Variants in CRISPLD2 observed in about 807,000 individuals in gnomAD.
CRISPLD2 encodes cysteine rich secretory protein LCCL domain containing 2.
A neutral mutation model predicts 71.1 loss-of-function variants in CRISPLD2; 47 were observed. The observed-to-expected ratio is 0.66, with a 90% CI of 0.52 to 0.84. The LOEUF is 0.84. Among genes scored for constraint, CRISPLD2 ranks in the 40% least tolerant of loss-of-function variants. CRISPLD2 has a pLI of 0.00. For synonymous variants in CRISPLD2, 317 were observed against 250.1 expected, an observed-to-expected ratio of 1.27 and a Z score of -2.52; for missense variants, 830 against 651.1, an observed-to-expected ratio of 1.27 and a Z score of -2.99.
chr16:84,827,391 C>T (rs1916378760), intron 1 of CRISPLD2, among the ~76,000 whole-genome samples: 1 of 152,018 alleles, frequency 6.6e-6, no homozygotes, highest in African/African-American at 2.4e-5. Flanking sequence ...ACCAAGAGTC[C>T]TCACCGTGGC....
intron 13 of CRISPLD2, 54 bp downstream of exon 13, chr16:84,880,638 A>C (rs8062969): frequency 7.3e-7 from 1 of 1,363,050 alleles, no homozygotes; most frequent in Non-Finnish European, 1.0e-6. Flanking sequence ...AAAGACCTCA[A>C]CATGCAAGCT....
At chr16:84,877,895 G>A (rs2071533751) in intron 12 of CRISPLD2, among the ~76,000 whole-genome samples, 1 of 151,216 alleles carries the variant, frequency 6.6e-6, no homozygotes, top group South Asian at 2.1e-4. Flanking sequence ...TGAGGTAAAT[G>A]ATACGATCCA....
At chr16:84,875,617 C>T (rs569102887) in intron 11 of CRISPLD2, among the ~76,000 whole-genome samples, 5 of 151,420 alleles carry the variant, frequency 3.3e-5, no homozygotes, top group East Asian at 1.9e-4. Flanking sequence ...AGTGCAGTGG[C>T]GCAATTTCAG....
intron 5 of CRISPLD2, among the ~76,000 whole-genome samples, chr16:84,851,774 A>G (rs1279009625): frequency 6.6e-6 from 1 of 152,226 alleles, no homozygotes; most frequent in Non-Finnish European, 1.5e-5. Flanking sequence ...ACTTGACTCT[A>G]TAAAAAATAG....
At chr16:84,821,672 A>G (rs144327498) in intron 1 of CRISPLD2, among the ~76,000 whole-genome samples, 70 of 152,348 alleles carry the variant, frequency 4.6e-4, no homozygotes, top group African/African-American at 1.7e-3. Flanking sequence ...CAGGGGCTCC[A>G]GTTAAAACCA....
intron 11 of CRISPLD2, among the ~76,000 whole-genome samples, chr16:84,876,335 C>T (rs1308556955): frequency 6.6e-6 from 1 of 151,988 alleles, no homozygotes; most frequent in Non-Finnish European, 1.5e-5. Flanking sequence ...AACCCCGTCT[C>T]TACTAAAAAT....
chr16:84,849,311 C>T (rs1019988698), intron 3 of CRISPLD2, 74 bp from the exon 4 acceptor site: 4 of 1,441,450 alleles, frequency 2.8e-6, no homozygotes, highest in South Asian at 1.4e-5. Flanking sequence ...CTCCTACCTG[C>T]CCGTGGCTGC....
intron 5 of CRISPLD2, among the ~76,000 whole-genome samples, chr16:84,853,387 A>T (rs1042598655): frequency 6.6e-6 from 1 of 152,110 alleles, no homozygotes; most frequent in African/African-American, 2.4e-5. Flanking sequence ...CTGAGCAGGG[A>T]TGTCTTGTGG....
chr16:84,851,970 A>G (rs975289780), intron 5 of CRISPLD2, among the ~76,000 whole-genome samples: 1 of 152,228 alleles, frequency 6.6e-6, no homozygotes, highest in Non-Finnish European at 1.5e-5. Flanking sequence ...CAGCTTACAC[A>G]TCAGACTTTT....
intron 6 of CRISPLD2, among the ~76,000 whole-genome samples, chr16:84,855,573 G>T (rs1917215958): frequency 6.6e-6 from 1 of 152,172 alleles, no homozygotes; most frequent in Non-Finnish European, 1.5e-5. Context: ...GGGTGGGTCT[G>T]CCTCTCCCAG....
intron 2 of CRISPLD2, among the ~76,000 whole-genome samples, chr16:84,840,762 A>C (rs983016054): frequency 2.6e-5 from 4 of 152,042 alleles, no homozygotes; most frequent in African/African-American, 9.7e-5. Flanking sequence ...GGCTGGTCAC[A>C]AACTCCTGAC....
intron 14 of CRISPLD2, 38 bp from the exon 15 acceptor site, chr16:84,906,550 A>C (rs371705818): frequency 5.1e-6 from 8 of 1,578,912 alleles, no homozygotes; most frequent in East Asian, 4.5e-5. Flanking sequence ...GGCCCTCCAG[A>C]TCTCTCAGTA....
chr16:84,868,710 C>G, intron 7 of CRISPLD2, 141 bp from the exon 8 acceptor site: 1 of 706,488 alleles, frequency 1.4e-6, no homozygotes, highest in South Asian at 1.8e-5. Context: ...CGGAAGCCTG[C>G]AACCATCAGG....
At chr16:84,872,807 T>G (rs1391565820) in intron 9 of CRISPLD2, among the ~76,000 whole-genome samples, 185 bp from the exon 10 acceptor site, 17 of 152,144 alleles carry the variant, frequency 1.1e-4, no homozygotes, top group Non-Finnish European at 1.5e-5. Context: ...AGATGAGTTT[T>G]TAAGGTAAGC....
rs189691906 is a variant in CRISPLD2, at chr16:84,871,745, T to G, written c.915-697T>G. Among the ~76,000 whole-genome samples, 315 of 151,944 alleles carry G rather than the reference T, an allele frequency of 2.1e-3. 1 individual carries two copies. Among genetic ancestry groups the G allele is most frequent in the African/African-American group, 7.2e-3 (300 of 41,452 alleles). On this transcript the variant is annotated intron_variant, in intron 8 of 14. Coordinates refer to ENST00000262424, the MANE Select transcript of CRISPLD2 (RefSeq NM_031476.4). ...TTTTATATTTTTAGTAGAGATGGGT[T>G]TTTGCCATCTTGGCCAGGCTGGTCT...
chr16:84,903,371 T>C (rs2071772471), intron 14 of CRISPLD2, among the ~76,000 whole-genome samples: 1 of 151,974 alleles, frequency 6.6e-6, no homozygotes, highest in African/African-American at 2.4e-5. Context: ...GCTCAGGCGT[T>C]TGAGACCAGC....
At chr16:84,865,488 G>C (rs1917511763) in intron 6 of CRISPLD2, among the ~76,000 whole-genome samples, 1 of 152,196 alleles carries the variant, frequency 6.6e-6, no homozygotes, top group African/African-American at 2.4e-5. Context: ...AAACCACAAA[G>C]AGACCTGCGA....
At chr16:84,839,257 T>G in intron 2 of CRISPLD2, 1 of 299,986 alleles carries the variant, frequency 3.3e-6, no homozygotes, top group Non-Finnish European at 6.5e-6. Context: ...CCTCGTTGCC[T>G]TCATGTCACT....
chr16:84,854,295 G>A (rs574789630), intron 5 of CRISPLD2, among the ~76,000 whole-genome samples: 1 of 152,318 alleles, frequency 6.6e-6, no homozygotes, highest in South Asian at 2.1e-4. Flanking sequence ...CAGGGATGGT[G>A]TGTGGTAAAA....
Sources: gnomAD v4.1 joint callset for allele counts (sites outside exome capture counted in the v4.1 genomes callset) on GRCh38, gnomAD v4.1.1 for gene constraint, MANE v1.5 for transcripts, NCBI Gene and HGNC (gene_info 2026-07-23, HGNC 2026-07-21) for gene names.